Variants in ASAP1 observed in about 807,000 individuals in gnomAD.
The protein encoded by ASAP1 is arf-GAP with SH3 domain, ANK repeat and PH domain-containing protein 1.
ASAP1 carries 43 observed loss-of-function variants against 145.2 expected under a neutral mutation model. The ratio of observed to expected loss-of-function variants is 0.30; its 90% confidence interval spans 0.23 to 0.38. The LOEUF (loss-of-function observed/expected upper bound fraction) is 0.38. Ranked by LOEUF, ASAP1 falls within the 10% of genes least tolerant of loss-of-function variation. The pLI is 1.00. For synonymous variants in ASAP1, 546 were observed against 515.5 expected, an observed-to-expected ratio of 1.06 and a Z score of -0.80; for missense variants, 1,018 against 1,355.3, an observed-to-expected ratio of 0.75 and a Z score of 3.91.
rs928091554 is a variant in ASAP1, at chr8:130,358,401, G to A, written c.60-258C>T. Among the ~76,000 whole-genome samples the A allele has an allele frequency of 8.1e-5, 12 of 148,348 alleles. No individual in the cohort carries two copies. The highest frequency in any genetic ancestry group is 2.9e-4 in the African/African-American group (12 of 40,940). ...CCGCGCGCGAGGCAGGGGGCTCTCCGGGACCCGCCTCCCTCTGCTCATGCC... is the reference window on the plus strand; with the variant it reads ...CCGCGCGCGAGGCAGGGGGCTCTCCAGGACCCGCCTCCCTCTGCTCATGCC... On this transcript the variant is annotated intron_variant, in intron 2 of 29. Coordinates refer to ENST00000518721, the MANE Select transcript of ASAP1 (RefSeq NM_018482.4). The surrounding 1 kb of genome is among the most constrained non-coding windows in gnomAD (Gnocchi z 4.1).
intron 1 of ASAP1, among the ~76,000 whole-genome samples, chr8:130,413,503 T>C (rs1269793833): frequency 6.6e-6 from 1 of 152,224 alleles, no homozygotes; most frequent in Non-Finnish European, 1.5e-5. Flanking sequence ...ATATCAATAA[T>C]GCATCTTGAA....
intron 1 of ASAP1, among the ~76,000 whole-genome samples, chr8:130,442,131 T>A (rs1226267166): frequency 6.6e-6 from 1 of 152,178 alleles, no homozygotes; most frequent in African/African-American, 2.4e-5. Flanking sequence ...TTGAAATAAG[T>A]GCATATCTCA....
intron 3 of ASAP1, among the ~76,000 whole-genome samples, chr8:130,252,092 C>A (rs1468109566): frequency 3.3e-5 from 5 of 152,004 alleles, no homozygotes; most frequent in African/African-American, 1.2e-4. Context: ...TTAGAAGTAA[C>A]CTAAATCCAA....
intron 13 of ASAP1, among the ~76,000 whole-genome samples, chr8:130,139,933 A>AC (rs1197009448): frequency 1.4e-4 from 21 of 150,798 alleles, no homozygotes; most frequent in South Asian, 4.2e-4. Context: ...AAAAAAAAAA[A>AC]AACAACAAAA....
intron 8 of ASAP1, 152 bp downstream of exon 8, chr8:130,180,599 C>T: frequency 9.5e-7 from 1 of 1,050,416 alleles, no homozygotes; most frequent in South Asian, 1.7e-5. Context: ...TCCCAAAAGG[C>T]TTGGAGAAAA....
At chr8:130,152,175 T>C (rs1020496889) in intron 13 of ASAP1, among the ~76,000 whole-genome samples, 1 of 152,234 alleles carries the variant, frequency 6.6e-6, no homozygotes, top group Non-Finnish European at 1.5e-5. Flanking sequence ...TGTAATTTAA[T>C]GAGTTTTTAA....
At chr8:130,294,815 A>C (rs1822162595) in intron 3 of ASAP1, among the ~76,000 whole-genome samples, 2 of 152,188 alleles carry the variant, frequency 1.3e-5, no homozygotes, top group South Asian at 2.1e-4. Flanking sequence ...ATTACAAATG[A>C]CTCTTTGGTT....
intron 3 of ASAP1, among the ~76,000 whole-genome samples, chr8:130,345,321 T>C (rs1384615827): frequency 6.6e-6 from 1 of 152,164 alleles, no homozygotes; most frequent in African/African-American, 2.4e-5. Context: ...TTTCATACCA[T>C]ATTGTGACTG....
intron 3 of ASAP1, among the ~76,000 whole-genome samples, chr8:130,286,534 C>G (rs954216302): frequency 1.3e-5 from 2 of 152,122 alleles, no homozygotes; most frequent in African/African-American, 4.8e-5. Context: ...GTTTCTAATC[C>G]TGCTTGAGCA....
At chr8:130,281,786 G>A (rs922183346) in intron 3 of ASAP1, among the ~76,000 whole-genome samples, 1 of 152,204 alleles carries the variant, frequency 6.6e-6, no homozygotes, top group Admixed American at 6.5e-5. Context: ...AGTAATGGAG[G>A]CTGGGCGCGG....
At chr8:130,390,579 G>C (rs1465858180) in intron 2 of ASAP1, among the ~76,000 whole-genome samples, 1 of 152,218 alleles carries the variant, frequency 6.6e-6, no homozygotes, top group East Asian at 1.9e-4. Flanking sequence ...CGTGAAGGCA[G>C]GTACCATGCA....
chr8:130,097,213 T>C (rs1374816515), intron 24 of ASAP1, among the ~76,000 whole-genome samples: 1 of 143,858 alleles, frequency 7.0e-6, no homozygotes, highest in Non-Finnish European at 1.5e-5. Flanking sequence ...CTCACCACCC[T>C]TCATTCTGGA....
chr8:130,413,160 A>G (rs1829335770), intron 1 of ASAP1, among the ~76,000 whole-genome samples: 1 of 152,264 alleles, frequency 6.6e-6, no homozygotes, highest in African/African-American at 2.4e-5. Context: ...CTGTCTGATT[A>G]CAAAGACTTA....
intron 5 of ASAP1, among the ~76,000 whole-genome samples, chr8:130,210,818 T>C (rs141227840): frequency 2.6e-5 from 4 of 152,242 alleles, no homozygotes; most frequent in African/African-American, 7.2e-5. Flanking sequence ...ATATGACTGA[T>C]AGCTGTCTTT....
intron 3 of ASAP1, among the ~76,000 whole-genome samples, chr8:130,281,635 T>G (rs962440610): frequency 1.3e-5 from 2 of 152,210 alleles, no homozygotes; most frequent in Admixed American, 1.3e-4. Context: ...TATTCTGTTT[T>G]GCAACATATC....
intron 4 of ASAP1, among the ~76,000 whole-genome samples, chr8:130,217,659 T>C (rs1455591656): frequency 6.6e-6 from 1 of 152,156 alleles, no homozygotes; most frequent in Non-Finnish European, 1.5e-5. Flanking sequence ...TTCAGTGAGC[T>C]GGACTTTCAA....
intron 3 of ASAP1, among the ~76,000 whole-genome samples, chr8:130,341,771 T>C (rs780818463): frequency 4.6e-5 from 7 of 152,186 alleles, no homozygotes; most frequent in Non-Finnish European, 4.4e-5. Flanking sequence ...GAACAGGCTT[T>C]AGGGAAGTCC....
chr8:130,097,370 C>G (rs1454088896), intron 24 of ASAP1, among the ~76,000 whole-genome samples: 1 of 152,038 alleles, frequency 6.6e-6, no homozygotes, highest in Non-Finnish European at 1.5e-5. Context: ...CTTCACCGTC[C>G]TCCCTTGTTA....
In ASAP1 at chr8:130,054,733, A is replaced by G; in HGVS notation, c.3388T>C (p.Ter1130GlnextTer6). ...CAATCTTAAGGTTCTGCGTTTTGCTAGTCAGACAGGATATGAACAAAGGAC... is the reference window on the plus strand; with the variant it reads ...CAATCTTAAGGTTCTGCGTTTTGCTGGTCAGACAGGATATGAACAAAGGAC... ...PVSFVHILSD* is the reference protein window; with the variant it reads ...PVSFVHILSDQ Residue 1130 changes from the stop codon to glutamine (Q), a stop_lost, in exon 30 of 30, where the codon TAG (stop) becomes CAG (glutamine). Coordinates refer to ENST00000518721, the MANE Select transcript of ASAP1 (RefSeq NM_018482.4). 1 of 1,613,132 alleles carries G rather than the reference A, an allele frequency of 6.2e-7. No homozygotes were observed. The highest frequency in any genetic ancestry group is 8.5e-7 in the Non-Finnish European group (1 of 1,179,178).
Sources: gnomAD v4.1 joint callset for allele counts (sites outside exome capture counted in the v4.1 genomes callset) on GRCh38, gnomAD v4.1.1 for gene constraint, Gnocchi (gnomAD v3.1) non-coding constraint, MANE v1.5 for transcripts, NCBI Gene and HGNC (gene_info 2026-07-23, HGNC 2026-07-21) for gene names.